The following ZNF7 variants were observed in gnomAD, a reference collection of about 807,000 sequenced individuals.
ZNF7 encodes C2-H2 type zinc finger protein.
A neutral mutation model predicts 12.0 loss-of-function variants in ZNF7; 10 were observed. That is an observed-to-expected ratio of 0.83 (90% CI 0.51 to 1.42). The LOEUF is 1.42. ZNF7 is among the 40% of genes most tolerant of loss of function. The probability of loss-of-function intolerance (pLI) is 0.00; values close to 1 mark genes in which losing one functional copy is unlikely to be tolerated. For synonymous variants in ZNF7, 334 were observed against 295.0 expected (o/e 1.13, Z -1.35); for missense variants, 854 against 837.2 (o/e 1.02, Z -0.25).
At chr8:144,829,781 G>T (rs565085183) in intron 3 of ZNF7, 177 bp downstream of exon 3, 8 of 739,382 alleles carry the variant, frequency 1.1e-5, no homozygotes, top group South Asian at 4.3e-5. Context: ...CATGTCATGG[G>T]GTTCAGCCCC....
downstream of ZNF7, among the ~76,000 whole-genome samples, chr8:144,844,725 A>ACAAAC (rs1563850625): frequency 3.1e-4 from 19 of 60,954 alleles, no homozygotes; most frequent in African/African-American, 1.2e-3. Context: ...AAAAAAAAAA[A>ACAAAC]AAAAAAAAAA....
In ZNF7 at chr8:144,842,888, C is replaced by T. The variant is rs765315671; in HGVS notation, c.1781C>T (p.Ser594Leu). Residue 594 changes from serine (S) to leucine (L), a missense_variant, in exon 5 of 5, where the codon TCA becomes TTA. By Grantham distance (145) the Ser-to-Leu change is moderately radical. Transcript: ENST00000532777. ...SECGKAFSRS[S>L]YLIEHQRIHT... ...TGTGGAAAAGCCTTCAGCCGGAGCT[C>T]ATATCTTATTGAACACCAGAGAATA... The T allele has an allele frequency of 5.0e-6, 8 of 1,614,088 alleles. No individual in the cohort carries two copies. The highest frequency in any genetic ancestry group is 3.3e-5 in the South Asian group (3 of 91,082).
intron 1 of ZNF7, 109 bp downstream of exon 1, chr8:144,827,718 C>T: frequency 1.0e-6 from 1 of 978,380 alleles, no homozygotes; most frequent in Non-Finnish European, 1.2e-6. Context: ...GTCCCCCGGG[C>T]CTCCAGGCGG....
chr8:144,838,296 A>G, intron 4 of ZNF7: 1 of 585,000 alleles, frequency 1.7e-6, no homozygotes, highest in Non-Finnish European at 3.1e-6. Flanking sequence ...TTAATCTGCA[A>G]CGACTGTGTT....
At chr8:144,837,086 T>C in intron 3 of ZNF7, 1 of 236,148 alleles carries the variant, frequency 4.2e-6, no homozygotes, top group Middle Eastern at 1.4e-3. Flanking sequence ...CTTCTCCTTC[T>C]CTTTCCCGAG....
intron 3 of ZNF7, chr8:144,834,453 T>C (rs1038714603): frequency 1.3e-5 from 2 of 152,234 alleles, no homozygotes; most frequent in South Asian, 4.1e-4. Context: ...TTAAAGGGAA[T>C]GCATCTACAT....
At chr8:144,840,653 G>A (rs1398741987) in intron 4 of ZNF7, among the ~76,000 whole-genome samples, 1 of 152,188 alleles carries the variant, frequency 6.6e-6, no homozygotes, top group African/African-American at 2.4e-5. Context: ...GAACGCAGAT[G>A]TCTGGAAGGC....
In ZNF7 at chr8:144,841,273, G is replaced by A. The variant is rs545559451; in HGVS notation, c.248-82G>A. On this transcript the variant is annotated intron_variant, in intron 4 of 4. Coordinates refer to ENST00000532777, the MANE Select transcript of ZNF7 (RefSeq NM_003416.4). ...TCAGTGCAACTATCCTGGGAGCCTT[G>A]AGCCCTGGCCCCCGCATTTGTAGTC... 2.5e-5 allele frequency: 36 copies of A among 1,426,694 alleles called. No homozygotes were observed. The South Asian group carries it at 4.1e-4, about 16-fold the overall frequency. 88.4% of individuals were successfully genotyped at this position (1,426,694 alleles called of 1,614,324 possible).
At chr8:144,832,900 T>C (rs143306779) in intron 3 of ZNF7, among the ~76,000 whole-genome samples, 51 of 151,778 alleles carry the variant, frequency 3.4e-4, no homozygotes, top group African/African-American at 1.2e-3. Flanking sequence ...CATCATCTAT[T>C]AAACAGTCTC....
Position 144,829,529 on chromosome 8 carries a change from CA to C in ZNF7, c.56del (p.Gln19ArgfsTer14). On this transcript the variant is annotated frameshift_variant, in exon 3 of 5. Transcript: ENST00000532777. LOFTEE classifies it high-confidence loss of function. ...TGTGCACTTCTCTCGGGAGGAGTGG[CA>C]GTGTCTGGACCCTGGCCAGAGGGCC... ...VAVHFSREEW[Q>X]CLDPGQRALY... The C allele has an allele frequency of 6.2e-7, 1 of 1,614,128 alleles. No individual in the cohort carries two copies. The highest frequency in any genetic ancestry group is 1.1e-5 in the South Asian group (1 of 91,080).
intron 4 of ZNF7, among the ~76,000 whole-genome samples, chr8:144,839,856 A>C (rs1420963127): frequency 5.3e-5 from 8 of 152,134 alleles, no homozygotes; most frequent in Admixed American, 2.0e-4. Flanking sequence ...TTTGACCACC[A>C]CCGTGCCCCC....
chr8:144,830,635 T>A (rs1828335908), intron 3 of ZNF7, among the ~76,000 whole-genome samples: 1 of 152,262 alleles, frequency 6.6e-6, no homozygotes, highest in Non-Finnish European at 1.5e-5. Context: ...CATTTAATTT[T>A]ACTTTATACT....
chr8:144,847,250 C>T (rs1286103307), downstream of ZNF7: 1 of 152,204 alleles, frequency 6.6e-6, no homozygotes, highest in Non-Finnish European at 1.5e-5. Flanking sequence ...AACCTGTTCA[C>T]ACTGCACTGC....
chr8:144,827,710 C>T (rs1827929179), intron 1 of ZNF7, 101 bp downstream of exon 1: 3 of 976,098 alleles, frequency 3.1e-6, no homozygotes, highest in South Asian at 9.5e-5. Context: ...GTCCCCGCGT[C>T]CCCCGGGCCT....
intron 4 of ZNF7, among the ~76,000 whole-genome samples, chr8:144,839,540 C>T (rs1563836528): frequency 1.3e-5 from 2 of 152,218 alleles, no homozygotes; most frequent in African/African-American, 2.4e-5. Flanking sequence ...AGAAATAGTT[C>T]AGTGGGTTTA....
chr8:144,837,211 A>G (rs1384652523), intron 3 of ZNF7, 180 bp from the exon 4 acceptor site: 1 of 496,886 alleles, frequency 2.0e-6, no homozygotes, highest in Non-Finnish European at 3.7e-6. Context: ...ACAGATCTGG[A>G]CAGAAAGGGC....
At chr8:144,839,165 A>G (rs900005567) in intron 4 of ZNF7, among the ~76,000 whole-genome samples, 157 of 135,584 alleles carry the variant, frequency 1.2e-3, no homozygotes, top group African/African-American at 4.2e-3. Flanking sequence ...ACTTCCATTC[A>G]TATGCGCCTA....
intron 4 of ZNF7, chr8:144,838,941 CAAAAAAAAAAAA>C (rs56967328): frequency 2.7e-4 from 18 of 65,870 alleles, no homozygotes; most frequent in Middle Eastern, 7.4e-3. Flanking sequence ...GATGACGTCT[CAAAAAAAAAAAA>C]AAAAAAAAAG....
At chr8:144,837,298 G>T in intron 3 of ZNF7, 93 bp from the exon 4 acceptor site, 1 of 1,093,956 alleles carries the variant, frequency 9.1e-7, no homozygotes. Flanking sequence ...TAGCCCCCCT[G>T]CCCCTTTCCA....
Sources: gnomAD v4.1 joint callset for allele counts (sites outside exome capture counted in the v4.1 genomes callset) on GRCh38, gnomAD v4.1.1 for gene constraint, MANE v1.5 for transcripts, NCBI Gene and HGNC (gene_info 2026-07-23, HGNC 2026-07-21) for gene names.